The following ZPLD1 variants were observed in gnomAD, a reference collection of about 807,000 sequenced individuals.
ZPLD1 encodes the protein zona pellucida like domain containing 1.
Under a neutral mutation model 47.2 loss-of-function variants are expected in ZPLD1, and 34 were observed. The observed-to-expected ratio is 0.72, with a 90% CI of 0.55 to 0.96. The LOEUF is 0.96. ZPLD1 is among the 40% of genes least tolerant of loss of function. The pLI is 0.00. For synonymous variants in ZPLD1, 176 were observed against 186.2 expected (o/e 0.95, Z 0.45); for missense variants, 512 against 505.8 (o/e 1.01, Z -0.12).
intron 8 of ZPLD1, among the ~76,000 whole-genome samples, chr3:102,466,083 A>G (rs891930392): frequency 2.0e-5 from 3 of 152,218 alleles, no homozygotes; most frequent in Non-Finnish European, 2.9e-5. Context: ...CAGGAAAAGT[A>G]TACCTTCTAA....
At chr3:102,407,225 GAA>G (rs1706697942) in intron 7 of ZPLD1, among the ~76,000 whole-genome samples, 1 of 150,878 alleles carries the variant, frequency 6.6e-6, no homozygotes, top group Non-Finnish European at 1.5e-5. Context: ...TAAAATTGCT[GAA>G]AAGTCTTCAT....
intron 3 of ZPLD1, among the ~76,000 whole-genome samples, chr3:102,446,782 A>C (rs1328393503): frequency 6.6e-6 from 1 of 152,120 alleles, no homozygotes; most frequent in Non-Finnish European, 1.5e-5. Flanking sequence ...TTGTTTACAA[A>C]TCTCTAGTAT....
At chr3:102,434,769 A>G (rs1235780067), upstream of ZPLD1, among the ~76,000 whole-genome samples, 4 of 152,158 alleles carry the variant, frequency 2.6e-5, no homozygotes, top group Admixed American at 2.6e-4. Flanking sequence ...CTGCACTTAG[A>G]TGTGGTGGAG....
chr3:102,442,363 C>G (rs949778780), intron 3 of ZPLD1, among the ~76,000 whole-genome samples: 15 of 136,266 alleles, frequency 1.1e-4, no homozygotes, highest in Non-Finnish European at 1.9e-4. Flanking sequence ...CACACACACA[C>G]AGTTACAATT....
intron 7 of ZPLD1, among the ~76,000 whole-genome samples, chr3:102,408,087 T>C (rs1179122724): frequency 6.6e-6 from 1 of 151,910 alleles, no homozygotes; most frequent in Non-Finnish European, 1.5e-5. Flanking sequence ...TATGTAATAG[T>C]CTGCAGGCAG....
intron 10 of ZPLD1, among the ~76,000 whole-genome samples, chr3:102,471,741 T>G (rs1488408528): frequency 6.6e-6 from 1 of 152,242 alleles, no homozygotes; most frequent in Non-Finnish European, 1.5e-5. Flanking sequence ...AGAGGCTTTA[T>G]TTCATTTCTT....
At chr3:102,425,386 C>T (rs776935713) in intron 8 of ZPLD1, among the ~76,000 whole-genome samples, 8 of 152,090 alleles carry the variant, frequency 5.3e-5, no homozygotes, top group Middle Eastern at 6.8e-3. Context: ...TCTTCATGCC[C>T]GTAAATGTTT....
In ZPLD1 at chr3:102,393,034, C is replaced by T. The variant is rs151103954; in HGVS notation, c.-157+809C>T. ...TTCCTTCAAACACATGTATCTGGTA[C>T]GTCTATAATTTCTTATCTAAGGCCT... On this transcript the variant is annotated intron_variant, in intron 7 of 17. Transcript: ENST00000491959. Among the ~76,000 whole-genome samples, 147 of 152,098 alleles carry T rather than the reference C, an allele frequency of 9.7e-4. 1 individual carries two copies. Among genetic ancestry groups the T allele is most frequent in the African/African-American group, 3.3e-3 (139 of 41,496 alleles).
chr3:102,441,897 A>T (rs957709659), intron 3 of ZPLD1, among the ~76,000 whole-genome samples: 22 of 152,260 alleles, frequency 1.4e-4, no homozygotes, highest in Admixed American at 1.2e-3. Flanking sequence ...GTAACTTCTC[A>T]TATCTTTATG....
intron 3 of ZPLD1, among the ~76,000 whole-genome samples, chr3:102,440,747 A>G (rs992786191): frequency 1.3e-5 from 2 of 151,492 alleles, no homozygotes; most frequent in South Asian, 2.1e-4. Flanking sequence ...AAAAAAAAAA[A>G]AAAGAAAGGA....
chr3:102,425,177 A>G (rs1452258593), intron 8 of ZPLD1, among the ~76,000 whole-genome samples: 1 of 152,158 alleles, frequency 6.6e-6, no homozygotes, highest in Non-Finnish European at 1.5e-5. Flanking sequence ...GCACTGACCA[A>G]GGAATAGACC....
Position 102,477,502 on chromosome 3 carries a change from A to G in ZPLD1, c.1132A>G (p.Met378Val). ...NAITSALISG[M>V]VILGVTSFSL... is the part of the protein sequence containing the mutation. ...CATCACCAGCGCACTGATATCAGGA[A>G]TGGTCATTCTGGGAGTTACGAGCTT... Residue 378 changes from methionine (M) to valine (V), a missense_variant, in exon 12 of 12, where the codon ATG becomes GTG. By Grantham distance (21) the Met-to-Val change is conservative (BLOSUM62 1). Transcript: ENST00000466937. The G allele has an allele frequency of 1.9e-6, 3 of 1,613,796 alleles. No individual in the cohort carries two copies. Among genetic ancestry groups the G allele is most frequent in the Middle Eastern group, 1.7e-4 (1 of 6,058 alleles).
At chr3:102,414,987 A>G (rs1163299651) in intron 7 of ZPLD1, among the ~76,000 whole-genome samples, 1 of 151,926 alleles carries the variant, frequency 6.6e-6, no homozygotes, top group Non-Finnish European at 1.5e-5. Context: ...AGGCTAATTT[A>G]TTCAGCTTTT....
intron 2 of ZPLD1, among the ~76,000 whole-genome samples, chr3:102,437,290 C>T (rs777893273): frequency 4.6e-5 from 7 of 152,082 alleles, no homozygotes; most frequent in South Asian, 2.1e-4. Context: ...TTTTTTCAGT[C>T]GATTTTTGAG....
chr3:102,417,493 G>A (rs1706822895), intron 7 of ZPLD1, among the ~76,000 whole-genome samples: 1 of 151,914 alleles, frequency 6.6e-6, no homozygotes, highest in Non-Finnish European at 1.5e-5. Flanking sequence ...GGAGGTGGGA[G>A]GTGCTTGGAG....
chr3:102,406,980 T>G lies in ZPLD1; in HGVS notation c.-156-11080T>G, dbSNP rs1011575453. ...ATGAAAGTTATCATTTTTGAAGTTG[T>G]GATTACATATCCAAGTGGATGATGC... On this transcript the variant is annotated intron_variant, in intron 7 of 17. Transcript: ENST00000491959. Among the ~76,000 whole-genome samples the G allele has an allele frequency of 3.3e-5, 5 of 151,848 alleles. No homozygotes were observed. The East Asian group carries it at 5.8e-4, about 18-fold the overall frequency.
At chr3:102,453,200 C>A in intron 4 of ZPLD1, 61 bp downstream of exon 4, 1 of 1,441,164 alleles carries the variant, frequency 6.9e-7, no homozygotes, top group South Asian at 1.2e-5. Flanking sequence ...CTCCCCATTT[C>A]ATGAAAGAAT....
chr3:102,474,891 C>A (rs1162147540), intron 10 of ZPLD1, among the ~76,000 whole-genome samples: 7 of 152,024 alleles, frequency 4.6e-5, no homozygotes, highest in African/African-American at 1.4e-4. Context: ...ATGTCAAGAC[C>A]AAGTGGGTTC....
At chr3:102,446,917 A>G (rs1027581468) in intron 3 of ZPLD1, among the ~76,000 whole-genome samples, 2 of 152,234 alleles carry the variant, frequency 1.3e-5, no homozygotes, top group Admixed American at 1.3e-4. Flanking sequence ...AGACTGGCAC[A>G]TGATATGTAC....
Sources: allele counts gnomAD v4.1 joint callset (sites outside exome capture counted in the v4.1 genomes callset), GRCh38; gene constraint gnomAD v4.1.1; transcripts MANE v1.5; gene names NCBI Gene and HGNC (gene_info 2026-07-23, HGNC 2026-07-21).